The following B4GALT1 variants were observed in gnomAD, a reference collection of about 807,000 sequenced individuals.
The protein encoded by B4GALT1 is N-acetyllactosamine synthase.
Under a neutral mutation model 34.9 loss-of-function variants are expected in B4GALT1, and 16 were observed. The ratio of observed to expected loss-of-function variants is 0.46; its 90% CI spans 0.31 to 0.70. The LOEUF (loss-of-function observed/expected upper bound fraction) is 0.70, where lower values mean the gene tolerates loss of function less well. B4GALT1 is among the 30% of genes least tolerant of loss of function. The pLI is 0.05. For synonymous variants in B4GALT1, 221 were observed against 218.1 expected, an observed-to-expected ratio of 1.01 and a Z score of -0.12; for missense variants, 445 against 530.5, an observed-to-expected ratio of 0.84 and a Z score of 1.58.
Position 33,113,123 on chromosome 9 carries a change from G to C in B4GALT1, c.*331C>G, listed in dbSNP as rs869. 6.0e-6 allele frequency: 2 copies of C among 330,870 alleles called. No individual in the cohort carries two copies. The highest frequency in any genetic ancestry group is 8.9e-5 in the Admixed American group (2 of 22,386). 20.5% of individuals were successfully genotyped at this position (330,870 alleles called of 1,614,324 possible). A position where few individuals can be genotyped will look rare whatever the true frequency, so the allele number is the denominator to read the frequency against. On this transcript the variant is annotated 3_prime_UTR_variant, in exon 6 of 6. Coordinates refer to ENST00000379731, the MANE Select transcript of B4GALT1 (RefSeq NM_001497.4). ...AAAGAAAAATTCTAACCTATTTCAC[G>C]ACAATTTAGCAATTCTATCACCGGG... is the stretch of plus-strand genomic sequence containing the variant.
chr9:33,184,289 A>ACACACACACAC, the B4GALT1 span, among the ~76,000 whole-genome samples: 98 of 100,918 alleles, frequency 9.7e-4, no homozygotes, highest in Non-Finnish European at 1.7e-3. Context: ...CACACACACA[A>ACACACACACAC]AAACATAGGA....
intron 1 of B4GALT1, among the ~76,000 whole-genome samples, chr9:33,140,260 G>A (rs1324791837): frequency 1.3e-5 from 2 of 152,192 alleles, no homozygotes; most frequent in African/African-American, 4.8e-5. Context: ...TGGCCAGTGG[G>A]TCGAAAGAAG....
chr9:33,106,739 TA>T (rs935771489), downstream of B4GALT1, among the ~76,000 whole-genome samples: 4 of 151,902 alleles, frequency 2.6e-5, no homozygotes, highest in African/African-American at 9.7e-5. Context: ...GACCCAGAAA[TA>T]AATGGACTTC....
At chr9:33,171,263 G>T (rs1840837960), upstream of B4GALT1, among the ~76,000 whole-genome samples, 1 of 152,200 alleles carries the variant, frequency 6.6e-6, no homozygotes, top group African/African-American at 2.4e-5. Context: ...TTCCAAAATG[G>T]CTTCACTCAT....
chr9:33,148,906 G>C (rs1840468363), intron 1 of B4GALT1, among the ~76,000 whole-genome samples: 1 of 152,044 alleles, frequency 6.6e-6, no homozygotes, highest in Non-Finnish European at 1.5e-5. Flanking sequence ...TCCCCTGAAG[G>C]GGATCTTATT....
the B4GALT1 span, chr9:33,177,366 G>A: frequency 6.6e-6 from 1 of 152,030 alleles, no homozygotes; most frequent in African/African-American, 2.4e-5. Flanking sequence ...TTAGATTTTT[G>A]TTATGGAAGC....
At chr9:33,132,551 T>C (rs987392567) in intron 2 of B4GALT1, among the ~76,000 whole-genome samples, 2 of 152,234 alleles carry the variant, frequency 1.3e-5, no homozygotes, top group Non-Finnish European at 2.9e-5. Context: ...TGCCCAGTGT[T>C]AGCCAGCACA....
At chr9:33,157,358 A>G (rs1215881699) in intron 1 of B4GALT1, among the ~76,000 whole-genome samples, 1 of 152,204 alleles carries the variant, frequency 6.6e-6, no homozygotes, top group African/African-American at 2.4e-5. Context: ...AATTTATCCC[A>G]GGAAAGTAAT....
chr9:33,144,916 A>G (rs1421077467), intron 1 of B4GALT1, among the ~76,000 whole-genome samples: 2 of 152,218 alleles, frequency 1.3e-5, no homozygotes, highest in Non-Finnish European at 2.9e-5. Flanking sequence ...AAGAGGTGAG[A>G]AGCTGAGCTC....
At chr9:33,164,986 T>C (rs981896878) in intron 1 of B4GALT1, among the ~76,000 whole-genome samples, 27 of 150,874 alleles carry the variant, frequency 1.8e-4, no homozygotes, top group Non-Finnish European at 3.1e-4. Flanking sequence ...TTTTTTTTTT[T>C]TTTTTTTAGA....
intron 3 of B4GALT1, among the ~76,000 whole-genome samples, chr9:33,117,635 A>G (rs1432011487): frequency 6.6e-6 from 1 of 152,250 alleles, no homozygotes; most frequent in Non-Finnish European, 1.5e-5. Flanking sequence ...GCCAAACCAT[A>G]CAGAACATAT....
At chr9:33,116,568 T>C (rs1053531346) in intron 3 of B4GALT1, among the ~76,000 whole-genome samples, 3 of 137,752 alleles carry the variant, frequency 2.2e-5, no homozygotes, top group Admixed American at 8.4e-5. Context: ...TAGCCCAGGC[T>C]GGAGTACAAT....
the B4GALT1 span, among the ~76,000 whole-genome samples, chr9:33,175,634 T>A: frequency 6.6e-6 from 1 of 152,246 alleles, no homozygotes. Context: ...GTATTATTAC[T>A]GTACCTTTTC....
At chr9:33,153,920 C>A (rs888123833) in intron 1 of B4GALT1, among the ~76,000 whole-genome samples, 3 of 150,616 alleles carry the variant, frequency 2.0e-5, no homozygotes, top group Admixed American at 6.6e-5. Flanking sequence ...AACGAACAGA[C>A]CTTTTCTGAC....
chr9:33,114,450 G>A (rs1839911125), intron 4 of B4GALT1, among the ~76,000 whole-genome samples: 1 of 152,222 alleles, frequency 6.6e-6, no homozygotes, highest in African/African-American at 2.4e-5. Flanking sequence ...GCCAGGCTAA[G>A]TCACAGAGGC....
intron 1 of B4GALT1, among the ~76,000 whole-genome samples, chr9:33,146,719 A>T (rs1255577548): frequency 1.3e-5 from 2 of 149,192 alleles, no homozygotes; most frequent in Admixed American, 1.3e-4. Flanking sequence ...TTTGAGACAG[A>T]GTCTCACTCT....
In B4GALT1 at chr9:33,138,905, G is replaced by A. The variant is rs373042458; in HGVS notation, c.413-3481C>T. Among the ~76,000 whole-genome samples, 10 of 152,012 alleles carry A rather than the reference G, an allele frequency of 6.6e-5. No individual in the cohort carries two copies. The East Asian group carries it at 1.9e-3, about 29-fold the overall frequency. ...CCAGGGCAGAAGCTGATACCCGGGTGGTCCATCTTCTATTCCCCCTCCTCT... is the reference window on the plus strand; with the variant it reads ...CCAGGGCAGAAGCTGATACCCGGGTAGTCCATCTTCTATTCCCCCTCCTCT... On this transcript the variant is annotated intron_variant, in intron 1 of 5. Transcript: ENST00000379731.
upstream of B4GALT1, among the ~76,000 whole-genome samples, chr9:33,167,563 C>G (rs1030289646): frequency 7.2e-5 from 11 of 152,376 alleles, no homozygotes; most frequent in East Asian, 5.8e-4. Flanking sequence ...GCGCACCGCC[C>G]TCTTCCTCCC....
intron 1 of B4GALT1, 93 bp downstream of exon 1, chr9:33,166,665 A>G: frequency 7.5e-7 from 1 of 1,333,102 alleles, no homozygotes; most frequent in Non-Finnish European, 9.9e-7. Context: ...TGGCTGTCGT[A>G]GAAGAGCCAG....
Sources: gnomAD v4.1 joint callset for allele counts (sites outside exome capture counted in the v4.1 genomes callset) on GRCh38, gnomAD v4.1.1 for gene constraint, MANE v1.5 for transcripts, NCBI Gene and HGNC (gene_info 2026-07-23, HGNC 2026-07-21) for gene names.